The following RXYLT1 variants were observed in gnomAD, a reference collection of about 807,000 sequenced individuals.
The protein encoded by RXYLT1 is ribitol-5-phosphate xylosyltransferase 1.
RXYLT1 carries 41 observed loss-of-function variants against 43.5 expected under a neutral mutation model. That is an observed-to-expected ratio of 0.94 (90% CI 0.73 to 1.22). The LOEUF (loss-of-function observed/expected upper bound fraction) is 1.22. RXYLT1 is among the 50% of genes most tolerant of loss of function. The probability of loss-of-function intolerance (pLI) is 0.00; values close to 1 mark genes in which losing one functional copy is unlikely to be tolerated. For synonymous variants in RXYLT1, 166 were observed against 194.4 expected (o/e 0.85, Z 1.21); for missense variants, 514 against 532.0 (o/e 0.97, Z 0.33).
rs554070941 is a variant in RXYLT1 at position 63,800,864 on chromosome 12, T to A, written c.429-1227T>A. ...TGAACCCAGGAGGCAGAGGCTGCTGTGAGCTGAGATCATGCCACAGCACTC... is the reference window on the plus strand; with the variant it reads ...TGAACCCAGGAGGCAGAGGCTGCTGAGAGCTGAGATCATGCCACAGCACTC... On this transcript the variant is annotated intron_variant, in intron 3 of 5. Transcript: ENST00000261234. Among the ~76,000 whole-genome samples, 5 of 151,302 alleles carry A rather than the reference T, an allele frequency of 3.3e-5. No homozygotes were observed. The East Asian group carries it at 9.8e-4, about 30-fold the overall frequency.
At chr12:63,800,631 A>G (rs1046171172) in intron 3 of RXYLT1, among the ~76,000 whole-genome samples, 24 of 152,174 alleles carry the variant, frequency 1.6e-4, no homozygotes, top group African/African-American at 4.3e-4. Context: ...ACAGTTAAAA[A>G]GAGAGTAGGC....
chr12:63,783,374 T>C (rs1897729070), intron 2 of RXYLT1, among the ~76,000 whole-genome samples: 2 of 152,026 alleles, frequency 1.3e-5, no homozygotes, highest in African/African-American at 2.4e-5. Flanking sequence ...GGCAGGAGAA[T>C]TGCTTGAACC....
intron 3 of RXYLT1, among the ~76,000 whole-genome samples, chr12:63,799,844 G>T (rs1441357522): frequency 6.6e-6 from 1 of 151,944 alleles, no homozygotes; most frequent in Non-Finnish European, 1.5e-5. Flanking sequence ...CAAAGTATTC[G>T]TATGCTACCA....
chr12:63,801,699 G>A (rs540490402), intron 3 of RXYLT1, among the ~76,000 whole-genome samples: 20 of 152,066 alleles, frequency 1.3e-4, no homozygotes, highest in Non-Finnish European at 2.6e-4. Flanking sequence ...GTGCACACCC[G>A]TAGTCCCAGC....
At chr12:63,796,264 C>T (rs907763360) in intron 3 of RXYLT1, among the ~76,000 whole-genome samples, 2 of 152,080 alleles carry the variant, frequency 1.3e-5, no homozygotes, top group Admixed American at 1.3e-4. Flanking sequence ...ATTTTGGTTC[C>T]GAATACCTCA....
intron 5 of RXYLT1, chr12:63,805,786 C>G (rs1458284133): frequency 1.3e-5 from 2 of 156,424 alleles, no homozygotes; most frequent in Non-Finnish European, 2.8e-5. Flanking sequence ...CTCACAAATT[C>G]AGGAATTCAG....
chr12:63,780,691 A>G (rs1159868614), intron 1 of RXYLT1, among the ~76,000 whole-genome samples: 2 of 152,228 alleles, frequency 1.3e-5, no homozygotes, highest in Non-Finnish European at 2.9e-5. Context: ...CCTGTATACA[A>G]TGGATAAAAA....
intron 1 of RXYLT1, among the ~76,000 whole-genome samples, chr12:63,780,809 A>G (rs1897663942): frequency 1.3e-5 from 2 of 152,330 alleles, no homozygotes; most frequent in East Asian, 1.9e-4. Flanking sequence ...TTTTATTTCT[A>G]AGACTTTTCA....
chr12:63,788,969 T>A (rs1354508260), intron 3 of RXYLT1, among the ~76,000 whole-genome samples: 1 of 152,228 alleles, frequency 6.6e-6, no homozygotes, highest in Non-Finnish European at 1.5e-5. Context: ...TGTTTTGTTT[T>A]GTCTTAGGCT....
intron 3 of RXYLT1, among the ~76,000 whole-genome samples, chr12:63,800,793 G>A (rs372919550): frequency 1.1e-4 from 16 of 151,902 alleles, no homozygotes; most frequent in East Asian, 9.7e-4. Flanking sequence ...ATGGTGGCAC[G>A]CACCTGCAGT....
rs199605239 is a variant in RXYLT1, at chr12:63,802,089, A to G, written c.429-2A>G. 5.1e-6 allele frequency: 8 copies of G among 1,572,788 alleles called. No individual in the cohort carries two copies. The highest frequency in any genetic ancestry group is 6.0e-6 in the Non-Finnish European group (7 of 1,159,926). On this transcript the variant is annotated splice_acceptor_variant, in intron 3 of 5. Coordinates refer to ENST00000261234, the MANE Select transcript of RXYLT1 (RefSeq NM_014254.3). LOFTEE classifies it high-confidence loss of function. ...TTGTTTTTGTTGTGTTGTTTTTAACAGCTTCATCACTGGTCCAGCTGTAAT... is the reference window on the plus strand; with the variant it reads ...TTGTTTTTGTTGTGTTGTTTTTAACGGCTTCATCACTGGTCCAGCTGTAAT...
chr12:63,793,443 C>T (rs1447727909), intron 3 of RXYLT1, among the ~76,000 whole-genome samples: 2 of 152,018 alleles, frequency 1.3e-5, no homozygotes, highest in Non-Finnish European at 2.9e-5. Flanking sequence ...TTAATAGCCC[C>T]CCTTCTGCTA....
At chr12:63,786,926 TATC>T (rs1897816103) in intron 3 of RXYLT1, among the ~76,000 whole-genome samples, 1 of 152,014 alleles carries the variant, frequency 6.6e-6, no homozygotes, top group Non-Finnish European at 1.5e-5. Flanking sequence ...CCAACCTGGC[TATC>T]ATCGTGAAAC....
intron 3 of RXYLT1, among the ~76,000 whole-genome samples, chr12:63,794,532 A>G (rs1444881833): frequency 6.6e-6 from 1 of 152,178 alleles, no homozygotes; most frequent in Middle Eastern, 3.2e-3. Flanking sequence ...TTCCTAGTCT[A>G]CGGAAATGGG....
intron 3 of RXYLT1, among the ~76,000 whole-genome samples, chr12:63,796,215 T>G (rs1898028183): frequency 6.6e-6 from 1 of 152,146 alleles, no homozygotes; most frequent in Non-Finnish European, 1.5e-5. Context: ...TTAGTTTGGG[T>G]TTGTCTGATG....
intron 3 of RXYLT1, among the ~76,000 whole-genome samples, chr12:63,792,650 A>G (rs1039738836): frequency 6.6e-6 from 1 of 152,192 alleles, no homozygotes; most frequent in Non-Finnish European, 1.5e-5. Context: ...CAACAGCAAC[A>G]TATGAAGTGG....
intron 5 of RXYLT1, chr12:63,808,317 C>A: frequency 7.8e-6 from 2 of 256,762 alleles, no homozygotes; most frequent in Non-Finnish European, 1.5e-5. Context: ...AAATAATTTA[C>A]TGACTTCACT....
Position 63,779,927 on chromosome 12 carries a change from T to C in RXYLT1, c.-34T>C. Reference sequence around the variant, plus strand: ...GCGGATTCTCTTTCCGCCCGCTCCATGGCGGTGGATGCCTGACTGGAAGCC... The same window carrying C: ...GCGGATTCTCTTTCCGCCCGCTCCACGGCGGTGGATGCCTGACTGGAAGCC... On this transcript the variant is annotated 5_prime_UTR_variant, in exon 1 of 6. It removes an upstream start codon present in the reference 5' UTR. Coordinates refer to ENST00000261234, the MANE Select transcript of RXYLT1 (RefSeq NM_014254.3). 3.7e-6 allele frequency: 6 copies of C among 1,608,026 alleles called. No individual in the cohort carries two copies. Among genetic ancestry groups the C allele is most frequent in the Non-Finnish European group, 4.2e-6 (5 of 1,178,566 alleles).
At chr12:63,790,756 C>G (rs1323166707) in intron 3 of RXYLT1, among the ~76,000 whole-genome samples, 1 of 152,200 alleles carries the variant, frequency 6.6e-6, no homozygotes, top group Non-Finnish European at 1.5e-5. Context: ...GCCACCACAC[C>G]TGGCCTAGTT....
Sources: allele counts gnomAD v4.1 joint callset (sites outside exome capture counted in the v4.1 genomes callset), GRCh38; gene constraint gnomAD v4.1.1; transcripts MANE v1.5; gene names NCBI Gene and HGNC (gene_info 2026-07-23, HGNC 2026-07-21).